The following DLC1 variants were observed in gnomAD, a reference collection of about 807,000 sequenced individuals.
DLC1 encodes the protein rho GTPase-activating protein 7.
DLC1 carries 54 observed loss-of-function variants against 140.3 expected under a neutral mutation model. The ratio of observed to expected loss-of-function variants is 0.38; its 90% CI spans 0.31 to 0.48. The LOEUF is 0.48. Ranked by LOEUF, DLC1 falls within the 20% of genes least tolerant of loss-of-function variation. The pLI, the probability that DLC1 is intolerant of heterozygous loss-of-function variation, is 0.96. For synonymous variants in DLC1, 986 were observed against 728.1 expected, an observed-to-expected ratio of 1.35 and a Z score of -5.70; for missense variants, 2,536 against 1,907.0, an observed-to-expected ratio of 1.33 and a Z score of -6.14.
intron 5 of DLC1, among the ~76,000 whole-genome samples, chr8:13,205,279 C>T (rs547347636): frequency 1.3e-5 from 2 of 152,248 alleles, no homozygotes; most frequent in African/African-American, 2.4e-5. Context: ...CAAGATGATC[C>T]ATTGGAGAAA....
rs34916262 is a variant in DLC1, at chr8:13,457,676, CAAAAAAAAAAA to C, written c.1023+41362_1023+41372del. On this transcript the variant is annotated intron_variant, in intron 2 of 17. Coordinates refer to ENST00000276297, the MANE Select transcript of DLC1 (RefSeq NM_182643.3). ...TGGGTGACAGAGCAAGACTCCATCTCAAAAAAAAAAAAAAAAAAAAAAAAAGAAATAAAAAC... is the reference window on the plus strand; with the variant it reads ...TGGGTGACAGAGCAAGACTCCATCTCAAAAAAAAAAAAAAGAAATAAAAAC... Among the ~76,000 whole-genome samples the C allele has an allele frequency of 7.3e-5, 4 of 54,874 alleles. No homozygotes were observed. In the East Asian group the frequency reaches 2.0e-3, roughly 27 times the overall value. 36.0% of individuals were successfully genotyped at this position (54,874 alleles called of 152,430 possible).
At chr8:13,294,075 A>T (rs943014172) in intron 5 of DLC1, among the ~76,000 whole-genome samples, 3 of 152,210 alleles carry the variant, frequency 2.0e-5, no homozygotes, top group African/African-American at 7.2e-5. Context: ...GAATAGTTTC[A>T]CTATGCGGAA....
At chr8:13,552,764 AT>A (rs1218421844) in intron 1 of DLC1, among the ~76,000 whole-genome samples, 1 of 151,788 alleles carries the variant, frequency 6.6e-6, no homozygotes, top group East Asian at 1.9e-4. Flanking sequence ...TGAACTTTGT[AT>A]TTTTTTATTT....
At chr8:13,521,207 AACATGG>A (rs1690799251) in intron 1 of DLC1, among the ~76,000 whole-genome samples, 1 of 151,978 alleles carries the variant, frequency 6.6e-6, no homozygotes, top group Admixed American at 6.6e-5. Flanking sequence ...ACAATGAAAG[AACATGG>A]ACACAGGGAG....
chr8:13,486,906 A>G (rs556337881), intron 2 of DLC1, among the ~76,000 whole-genome samples: 1 of 152,314 alleles, frequency 6.6e-6, no homozygotes, highest in South Asian at 2.1e-4. Flanking sequence ...GTGAGAAATA[A>G]TCATTCTGTA....
At chr8:13,123,748 C>T (rs1291285875) in intron 5 of DLC1, among the ~76,000 whole-genome samples, 1 of 152,288 alleles carries the variant, frequency 6.6e-6, no homozygotes, top group East Asian at 1.9e-4. Flanking sequence ...AAAGGGCAAG[C>T]TTCTTTGTCC....
intron 5 of DLC1, among the ~76,000 whole-genome samples, chr8:13,186,640 G>A (rs1033707228): frequency 3.3e-5 from 5 of 152,180 alleles, no homozygotes; most frequent in African/African-American, 1.2e-4. Context: ...ACCTTCTGAA[G>A]CCTACTTCTG....
intron 3 of DLC1, among the ~76,000 whole-genome samples, chr8:13,398,146 C>T (rs754453009): frequency 2.6e-5 from 4 of 151,578 alleles, no homozygotes; most frequent in African/African-American, 4.8e-5. Flanking sequence ...AAGAACAAGA[C>T]CTTGTCTCTA....
intron 1 of DLC1, among the ~76,000 whole-genome samples, chr8:13,573,955 C>A (rs572980370): frequency 1.3e-5 from 2 of 152,126 alleles, no homozygotes; most frequent in African/African-American, 4.8e-5. Flanking sequence ...TTCATCATAT[C>A]CTTGGTGTTT....
At chr8:13,240,836 C>T (rs957090656) in intron 5 of DLC1, among the ~76,000 whole-genome samples, 31 of 152,110 alleles carry the variant, frequency 2.0e-4, no homozygotes, top group Non-Finnish European at 2.9e-5. Flanking sequence ...AATATCTTTG[C>T]TCCAAATGAG....
chr8:13,537,356 A>G (rs1434812420), intron 1 of DLC1, among the ~76,000 whole-genome samples: 3 of 152,228 alleles, frequency 2.0e-5, no homozygotes, highest in Admixed American at 2.0e-4. Flanking sequence ...TCATTCTAAC[A>G]CATAGCGTAT....
intron 5 of DLC1, among the ~76,000 whole-genome samples, chr8:13,255,182 G>A (rs569794412): frequency 5.9e-4 from 90 of 152,180 alleles, no homozygotes; most frequent in African/African-American, 2.1e-3. Context: ...TGTTTGCCAG[G>A]CTGGTCTCGA....
At chr8:13,596,409 A>AG (rs1435947011) in intron 1 of DLC1, among the ~76,000 whole-genome samples, 1 of 151,862 alleles carries the variant, frequency 6.6e-6, no homozygotes, top group Non-Finnish European at 1.5e-5. Context: ...GTTTTATTTT[A>AG]GGTTCTTCCA....
intron 2 of DLC1, among the ~76,000 whole-genome samples, chr8:13,460,459 G>A (rs921512246): frequency 6.6e-6 from 1 of 152,200 alleles, no homozygotes; most frequent in African/African-American, 2.4e-5. Context: ...CTGATTGTGT[G>A]TGGGCTTTGC....
chr8:13,332,247 A>G (rs1297141427), intron 4 of DLC1, among the ~76,000 whole-genome samples: 1 of 152,226 alleles, frequency 6.6e-6, no homozygotes, highest in African/African-American at 2.4e-5. Context: ...CGTAATGAAC[A>G]CAATGCAATC....
At chr8:13,202,872 C>T (rs1441330436) in intron 5 of DLC1, among the ~76,000 whole-genome samples, 1 of 152,018 alleles carries the variant, frequency 6.6e-6, no homozygotes, top group Non-Finnish European at 1.5e-5. Context: ...CAGGGTCTCA[C>T]TATGTTGCCA....
chr8:13,463,232 C>T (rs72603971), intron 2 of DLC1, among the ~76,000 whole-genome samples: 11,729 of 151,806 alleles, frequency 0.077, 612 homozygotes, highest in East Asian at 0.15. Flanking sequence ...ATTTGCAGTT[C>T]TTGTGGGAAT....
At chr8:13,281,965 T>A (rs1831379161) in intron 5 of DLC1, among the ~76,000 whole-genome samples, 1 of 152,112 alleles carries the variant, frequency 6.6e-6, no homozygotes, top group Non-Finnish European at 1.5e-5. Flanking sequence ...TGGGACAGCA[T>A]TTTGTTTTCT....
intron 4 of DLC1, among the ~76,000 whole-genome samples, chr8:13,307,734 C>T (rs1409946748): frequency 6.6e-6 from 1 of 152,114 alleles, no homozygotes; most frequent in Non-Finnish European, 1.5e-5. Context: ...TGTGTATGAC[C>T]CAGTTTTAAG....
Sources: gnomAD v4.1 joint callset for allele counts (sites outside exome capture counted in the v4.1 genomes callset) on GRCh38, gnomAD v4.1.1 for gene constraint, MANE v1.5 for transcripts, NCBI Gene and HGNC (gene_info 2026-07-23, HGNC 2026-07-21) for gene names.